Variants in MTF1 observed in about 807,000 individuals in gnomAD.
MTF1 encodes metal regulatory transcription factor 1.
In MTF1, 22 loss-of-function variants were observed where a neutral mutation model predicts 70.4. The ratio of observed to expected loss-of-function variants is 0.31; its 90% CI spans 0.22 to 0.45. The LOEUF (loss-of-function observed/expected upper bound fraction) is 0.45, where lower values mean the gene tolerates loss of function less well. MTF1 is among the 20% of genes least tolerant of loss of function. MTF1 has a pLI of 1.00. For synonymous variants in MTF1, 333 were observed against 352.8 expected (o/e 0.94, Z 0.63); for missense variants, 649 against 922.0 (o/e 0.70, Z 3.83).
In MTF1 at chr1:37,832,331, G is replaced by A. The variant is rs972226926; in HGVS notation, c.991-9C>T. ...AGTGAGTGATTTGTATCCTGTGAAA[G>A]AGAAAAAATTCTAATTGAGTAACAA... On this transcript the variant is annotated splice_polypyrimidine_tract_variant and intron_variant, in intron 6 of 10. Transcript: ENST00000373036. The A allele has an allele frequency of 6.3e-7, 1 of 1,595,150 alleles. No homozygotes were observed. Among genetic ancestry groups the A allele is most frequent in the Non-Finnish European group, 8.6e-7 (1 of 1,165,620 alleles).
intron 4 of MTF1, among the ~76,000 whole-genome samples, chr1:37,837,347 C>G (rs988679795): frequency 6.6e-6 from 1 of 152,084 alleles, no homozygotes; most frequent in Non-Finnish European, 1.5e-5. Flanking sequence ...ATAAGCCCAG[C>G]CCACAATTCC....
intron 9 of MTF1, among the ~76,000 whole-genome samples, chr1:37,818,765 C>T (rs973222826): frequency 2.0e-5 from 3 of 150,032 alleles, no homozygotes; most frequent in East Asian, 2.0e-4. Context: ...GAGGCCGAGG[C>T]GGGCAGATCA....
intron 3 of MTF1, among the ~76,000 whole-genome samples, chr1:37,839,584 A>G (rs1461316525): frequency 6.6e-6 from 1 of 152,190 alleles, no homozygotes; most frequent in Non-Finnish European, 1.5e-5. Flanking sequence ...TAGCACAAAG[A>G]TCCTGAGCCA....
intron 7 of MTF1, among the ~76,000 whole-genome samples, chr1:37,826,795 A>G (rs1385450590): frequency 2.0e-5 from 3 of 152,174 alleles, no homozygotes; most frequent in Non-Finnish European, 4.4e-5. Context: ...CCTGGCCAAC[A>G]CAGTGAAACC....
chr1:37,825,923 G>A (rs1295690220), intron 7 of MTF1, among the ~76,000 whole-genome samples: 1 of 152,120 alleles, frequency 6.6e-6, no homozygotes, highest in Non-Finnish European at 1.5e-5. Flanking sequence ...ATCACAGTAG[G>A]CTAAGGCCAT....
Position 37,845,311 on chromosome 1 carries a change from C to T in MTF1, c.409-5153G>A, listed in dbSNP as rs534051477. 4.6e-5 allele frequency among the ~76,000 whole-genome samples: 7 copies of T among 152,306 alleles called. No homozygotes were observed. In the South Asian group the frequency reaches 1.4e-3, roughly 32 times the overall value. The stretch of plus-strand genomic sequence containing the variant: ...TAAAACACCTCTTGGATTTAGCTGA[C>T]TCACAAAGTCATAATTGCCTCAGCA... On this transcript the variant is annotated intron_variant, in intron 2 of 10. Coordinates refer to ENST00000373036, the MANE Select transcript of MTF1 (RefSeq NM_005955.3).
At chr1:37,823,002 G>A (rs1640942155) in intron 8 of MTF1, among the ~76,000 whole-genome samples, 1 of 152,016 alleles carries the variant, frequency 6.6e-6, no homozygotes, top group African/African-American at 2.4e-5. Flanking sequence ...TCCTTTTTTT[G>A]ACATGACTAG....
In MTF1 at chr1:37,857,473, A is replaced by G. The variant is rs991828955; in HGVS notation, c.186T>C (p.Asp62=). Residue 62 remains aspartate, a synonymous_variant, in exon 2 of 11, where the codon GAT becomes GAC. Transcript: ENST00000373036. Reference sequence around the variant, plus strand: ...AGTGTTCTCCGCACTGTCCGTCGTCATCTTCATCCTCCAAAGTGCCAGGGT... The same window carrying G: ...AGTGTTCTCCGCACTGTCCGTCGTCGTCTTCATCCTCCAAAGTGCCAGGGT... ...EQDPGTLEDE[D]DDGQCGEHLP... is the part of the protein sequence containing the mutation. 1 of 1,614,204 alleles carries G rather than the reference A, an allele frequency of 6.2e-7. No homozygotes were observed. The highest frequency in any genetic ancestry group is 1.1e-5 in the South Asian group (1 of 91,090).
rs763582336 is a variant in MTF1, at chr1:37,822,694, A to G, written c.1194T>C (p.Asn398=). ...CATCACTGACTGACTCTGCATCACCATTAAAACTTTCAGTCAAGGAAGCTG... is the reference window on the plus strand; with the variant it reads ...CATCACTGACTGACTCTGCATCACCGTTAAAACTTTCAGTCAAGGAAGCTG... ...QQTASLTESF[N]GDAESVSDVP... The change falls in exon 9 of 11, where the codon AAT becomes AAC. Residue 398 remains asparagine (N), a synonymous_variant. Coordinates refer to ENST00000373036, the MANE Select transcript of MTF1 (RefSeq NM_005955.3). The G allele has an allele frequency of 1.1e-5, 17 of 1,610,520 alleles. No homozygotes were observed. Among genetic ancestry groups the G allele is most frequent in the Non-Finnish European group, 1.3e-5 (15 of 1,177,674 alleles).
At chr1:37,859,491 T>A (rs1641569919) in intron 1 of MTF1, 40 bp downstream of exon 1, 2 of 398,720 alleles carry the variant, frequency 5.0e-6, no homozygotes, top group Non-Finnish European at 8.8e-6. Context: ...CGCCTCCCGG[T>A]AAGTCCCAAG....
At chr1:37,819,666 T>A (rs1014648830) in intron 9 of MTF1, among the ~76,000 whole-genome samples, 2 of 151,800 alleles carry the variant, frequency 1.3e-5, no homozygotes, top group African/African-American at 4.8e-5. Context: ...AAAATAATAA[T>A]GGAGGCTGGG....
In MTF1 at chr1:37,857,571, C is replaced by G; in HGVS notation, c.88G>C (p.Val30Leu). ...GAAGGCACCAGTCCGTTTTTATCCACAAACCTGAGCATTTTATCATCGGGG... is the reference window on the plus strand; with the variant it reads ...GAAGGCACCAGTCCGTTTTTATCCAGAAACCTGAGCATTTTATCATCGGGG... The part of the protein sequence containing the change: ...LTPDDKMLRF[V>L]DKNGLVPSSS... The change falls in exon 2 of 11, where the codon GTG (valine) becomes CTG (leucine). Residue 30 changes from valine to leucine, a missense_variant. By Grantham distance (32) the Val-to-Leu change is conservative. Around this residue, in one of 7 missense-constraint regions of MTF1, gnomAD observed 34 missense variants for 38.7 expected, o/e 0.88. Coordinates refer to ENST00000373036, the MANE Select transcript of MTF1 (RefSeq NM_005955.3). 1 of 1,614,222 alleles carries G rather than the reference C, an allele frequency of 6.2e-7. No homozygotes were observed. Among genetic ancestry groups the G allele is most frequent in the Non-Finnish European group, 8.5e-7 (1 of 1,180,052 alleles).
chr1:37,825,457 G>C (rs1343552618), intron 7 of MTF1, among the ~76,000 whole-genome samples: 2 of 151,834 alleles, frequency 1.3e-5, no homozygotes, highest in Non-Finnish European at 2.9e-5. Flanking sequence ...GGCTGGTCTG[G>C]AACTCCTGGG....
intron 1 of MTF1, among the ~76,000 whole-genome samples, chr1:37,857,984 C>G (rs530589547): frequency 6.8e-6 from 1 of 147,320 alleles, no homozygotes; most frequent in East Asian, 2.0e-4. Context: ...TGAGATCAGC[C>G]TGGTCAACAT....
At chr1:37,850,130 G>C (rs1641393295) in intron 2 of MTF1, among the ~76,000 whole-genome samples, 1 of 150,996 alleles carries the variant, frequency 6.6e-6, no homozygotes, top group Admixed American at 6.6e-5. Flanking sequence ...CCCAGCTACT[G>C]TGGAGGCTGA....
rs1321911238 is a variant in MTF1, at chr1:37,832,209, T to A, written c.1068+36A>T. 5 of 1,425,232 alleles carry A rather than the reference T, an allele frequency of 3.5e-6. No individual in the cohort carries two copies. In the South Asian group the frequency reaches 5.9e-5, roughly 17 times the overall value. 88.3% of individuals were successfully genotyped at this position (1,425,232 alleles called of 1,614,324 possible). ...CAAAGGGAGTGCTTAATTCTTGCCC[T>A]TATTTTTCTAGCACTGGTATTACAG... is the stretch of plus-strand genomic sequence containing the variant. On this transcript the variant is annotated intron_variant, in intron 7 of 10. Coordinates refer to ENST00000373036, the MANE Select transcript of MTF1 (RefSeq NM_005955.3).
rs572557654 is a variant in MTF1, at chr1:37,840,348, A to G, written c.409-190T>C. On this transcript the variant is annotated intron_variant, in intron 2 of 10. Transcript: ENST00000373036. The surrounding 1 kb of genome is among the most constrained non-coding windows in gnomAD (Gnocchi z 4.5). ...TGATCAAATCATACCTGGACAACAC[A>G]TAATGATTTATGGGGAAGAAATAAG... 1.5e-5 allele frequency: 9 copies of G among 608,582 alleles called. No homozygotes were observed. The East Asian group carries it at 2.5e-4, about 17-fold the overall frequency. The allele number at this position is 608,582 out of a possible 1,614,324, so 37.7% of individuals were successfully genotyped here. A position where few individuals can be genotyped will look rare whatever the true frequency, so the allele number is the denominator to read the frequency against.
Position 37,810,314 on chromosome 1 carries a change from A to T in MTF1, c.*4822T>A, listed in dbSNP as rs1640695492. On this transcript the variant is annotated 3_prime_UTR_variant, in exon 11 of 11. Coordinates refer to ENST00000373036, the MANE Select transcript of MTF1 (RefSeq NM_005955.3). ...CATTGAGCTGAGAAAGTGACACTACATTATCACCCAATTTTTGGCCCAACA... is the reference window on the plus strand; with the variant it reads ...CATTGAGCTGAGAAAGTGACACTACTTTATCACCCAATTTTTGGCCCAACA... 6.6e-6 allele frequency: 1 copy of T among 152,552 alleles called. No homozygotes were observed. The highest frequency in any genetic ancestry group is 2.1e-4 in the South Asian group (1 of 4,836). 9.4% of individuals were successfully genotyped at this position (152,552 alleles called of 1,614,324 possible).
chr1:37,830,853 G>A (rs1208956957), intron 7 of MTF1, among the ~76,000 whole-genome samples: 7 of 152,212 alleles, frequency 4.6e-5, no homozygotes, highest in Non-Finnish European at 8.8e-5. Flanking sequence ...GGGTCAGCCA[G>A]AGATTCGGAG....
Sources: allele counts gnomAD v4.1 joint callset (sites outside exome capture counted in the v4.1 genomes callset), GRCh38; gene constraint gnomAD v4.1.1; regional missense constraint gnomAD v4.1.1; non-coding constraint Gnocchi (gnomAD v3.1); transcripts MANE v1.5; gene names NCBI Gene and HGNC (gene_info 2026-07-23, HGNC 2026-07-21).